Variants in ZNF695 observed in about 807,000 individuals in gnomAD.
The protein encoded by ZNF695 is zinc finger protein SBZF3.
In ZNF695, 11 loss-of-function variants were observed where a neutral mutation model predicts 11.2. The ratio of observed to expected loss-of-function variants is 0.98; its 90% CI spans 0.62 to 1.62. The LOEUF (loss-of-function observed/expected upper bound fraction) is 1.62, where lower values mean the gene tolerates loss of function less well. ZNF695 is among the 40% of genes most tolerant of loss of function. The pLI is 0.00. For missense variants in ZNF695, 559 were observed against 590.5 expected, an observed-to-expected ratio of 0.95 and a Z score of 0.55; for synonymous variants, 190 against 201.4, an observed-to-expected ratio of 0.94 and a Z score of 0.48.
intron 5 of ZNF695, among the ~76,000 whole-genome samples, chr1:246,955,126 C>T (rs1667955904): frequency 6.6e-6 from 1 of 152,158 alleles, no homozygotes; most frequent in African/African-American, 2.4e-5. Flanking sequence ...TGAAGATGTG[C>T]CTTTGCTCCT....
Position 246,986,776 on chromosome 1 carries a change from G to A in ZNF695, c.*191C>T, listed in dbSNP as rs1668861781. On this transcript the variant is annotated 3_prime_UTR_variant, in exon 4 of 4. Transcript: ENST00000339986. ...CAGTAAGAGCTGTGATATAAGTGGA[G>A]GTGTTGAACCGGTCTATTTGTATTG... is the stretch of plus-strand genomic sequence containing the variant. The A allele has an allele frequency of 6.7e-6, 9 of 1,334,926 alleles. No individual in the cohort carries two copies. In the East Asian group the frequency reaches 1.6e-4, roughly 24 times the overall value. The allele number at this position is 1,334,926 out of a possible 1,614,324, so 82.7% of individuals were successfully genotyped here.
rs1018932282 is a variant in ZNF695 at position 247,007,905 on chromosome 1, C to T, written c.3+1G>A. ...CGGGACACCCTGCTCCGCACACTCA[C>T]CATTTCCCAGCTTTTGGGGGTCCCA... is the stretch of plus-strand genomic sequence containing the variant. On this transcript the variant is annotated splice_donor_variant, in intron 1 of 3. Coordinates refer to ENST00000339986, the MANE Select transcript of ZNF695 (RefSeq NM_020394.5). LOFTEE classifies it high-confidence loss of function. 6.5e-7 allele frequency: 1 copy of T among 1,538,240 alleles called. No homozygotes were observed. The highest frequency in any genetic ancestry group is 1.2e-5 in the South Asian group (1 of 81,842).
At chr1:246,964,115 C>T (rs1379564335) in intron 5 of ZNF695, among the ~76,000 whole-genome samples, 2 of 152,108 alleles carry the variant, frequency 1.3e-5, no homozygotes, top group Non-Finnish European at 2.9e-5. Context: ...GCTTCCACGC[C>T]CCCTCCAGGG....
Position 246,987,857 on chromosome 1 carries a change from C to T in ZNF695, c.658G>A (p.Ala220Thr), listed in dbSNP as rs768779847. ...GTAAAGCATGAGCACTCATTAAAGG[C>T]TTTGCCACATTTTTTACATTGGTAC... is the stretch of plus-strand genomic sequence containing the variant. Reference protein sequence around the residue: ...NPYQCKKCGKAFNECSCFTDC... With the variant: ...NPYQCKKCGKTFNECSCFTDC... The change falls in exon 4 of 4, where the codon GCC becomes ACC. Residue 220 changes from alanine (A) to threonine (T), a missense_variant. Ala to Thr is a moderately conservative substitution (Grantham distance 58). Coordinates refer to ENST00000339986, the MANE Select transcript of ZNF695 (RefSeq NM_020394.5). 3 of 1,609,608 alleles carry T rather than the reference C, an allele frequency of 1.9e-6. No homozygotes were observed. Among genetic ancestry groups the T allele is most frequent in the South Asian group, 1.1e-5 (1 of 89,978 alleles).
chr1:246,988,239 A>G lies in ZNF695; in HGVS notation c.276T>C (p.Leu92=), dbSNP rs1441105705. The part of the protein sequence containing the change: ...TARHSVLSSY[L]TEDILPEQGL... ...CCTGCTCTGGCAAAATGTCTTCAGT[A>G]AGATAAGAAGACAAAACTGGAAAAA... Residue 92 remains leucine (L), a synonymous_variant, in exon 4 of 4, where the codon CTT becomes CTC. Transcript: ENST00000339986. 3 of 1,559,582 alleles carry G rather than the reference A, an allele frequency of 1.9e-6. No individual in the cohort carries two copies. In the East Asian group the frequency reaches 6.8e-5, roughly 35 times the overall value.
chr1:246,958,347 T>G (rs371520547), intron 5 of ZNF695, among the ~76,000 whole-genome samples: 1 of 151,858 alleles, frequency 6.6e-6, no homozygotes, highest in African/African-American at 2.4e-5. Context: ...CGTGAGCCAC[T>G]GCACCCAGCC....
rs1668848279 is a variant in ZNF695 at position 246,986,404 on chromosome 1, CA to C, written c.*562del. ...ACTTGAAATGTAATTATAACTTCCCCAAAAGGTGAATCTCCTACTTACTTTA... is the reference window on the plus strand; with the variant it reads ...ACTTGAAATGTAATTATAACTTCCCCAAAGGTGAATCTCCTACTTACTTTA... On this transcript the variant is annotated 3_prime_UTR_variant, in exon 4 of 4. Transcript: ENST00000339986. 1 of 985,404 alleles carries C rather than the reference CA, an allele frequency of 1.0e-6. No homozygotes were observed. Among genetic ancestry groups the C allele is most frequent in the African/African-American group, 1.7e-5 (1 of 57,234 alleles). The allele number at this position is 985,404 out of a possible 1,614,324, so 61.0% of individuals were successfully genotyped here.
intron 5 of ZNF695, among the ~76,000 whole-genome samples, chr1:246,953,339 T>C (rs1667911467): frequency 1.3e-5 from 2 of 152,120 alleles, no homozygotes; most frequent in South Asian, 4.1e-4. Context: ...AAAAACAAAG[T>C]GGGCCACGCC....
rs566524297 is a variant in ZNF695 at position 246,953,378 on chromosome 1, G to T, written c.489-7551C>A. Among the ~76,000 whole-genome samples the T allele has an allele frequency of 3.3e-5, 5 of 152,212 alleles. No homozygotes were observed. The East Asian group carries it at 9.7e-4, about 29-fold the overall frequency. On this transcript the variant is annotated intron_variant, in intron 5 of 5. Coordinates refer to the ZNF695 transcript ENST00000487338. ...AATCCCAGCACTTTAGGAGGCCGAG[G>T]CGGGCGGATCACGAGGTTAGGCGAC...
At chr1:246,981,236 G>A (rs1668703334), downstream of ZNF695, among the ~76,000 whole-genome samples, 1 of 152,160 alleles carries the variant, frequency 6.6e-6, no homozygotes, top group Admixed American at 6.6e-5. Flanking sequence ...ATAAGTGTTG[G>A]CGAAAGTGTG....
At chr1:246,993,716 G>T (rs1166684435) in intron 3 of ZNF695, among the ~76,000 whole-genome samples, 1 of 151,984 alleles carries the variant, frequency 6.6e-6, no homozygotes, top group East Asian at 1.9e-4. Flanking sequence ...ATAATCATGT[G>T]AATAACATTA....
Position 246,986,369 on chromosome 1 carries a change from C to A in ZNF695, c.*598G>T. On this transcript the variant is annotated 3_prime_UTR_variant, in exon 4 of 4. Coordinates refer to ENST00000339986, the MANE Select transcript of ZNF695 (RefSeq NM_020394.5). ...AGGAAAGAGCCACCGTGCCTGGCAC[C>A]AAAAGGTATACTTGAAATGTAATTA... 1 of 985,438 alleles carries A rather than the reference C, an allele frequency of 1.0e-6. No individual in the cohort carries two copies. The highest frequency in any genetic ancestry group is 1.2e-6 in the Non-Finnish European group (1 of 829,952). 61.0% of individuals were successfully genotyped at this position (985,438 alleles called of 1,614,324 possible). A position where few individuals can be genotyped will look rare whatever the true frequency, so the allele number is the denominator to read the frequency against.
At chr1:246,988,818 C>A (rs1335712437) in intron 3 of ZNF695, among the ~76,000 whole-genome samples, 1 of 151,852 alleles carries the variant, frequency 6.6e-6, no homozygotes, top group African/African-American at 2.4e-5. Flanking sequence ...AGGCCGGGCG[C>A]GGTGGCTCAC....
chr1:246,994,198 G>A (rs1313340686), intron 3 of ZNF695, among the ~76,000 whole-genome samples: 8 of 152,088 alleles, frequency 5.3e-5, no homozygotes, highest in Non-Finnish European at 7.4e-5. Flanking sequence ...CAGGGCAGAT[G>A]TACTGAGAAA....
At chr1:246,979,384 T>C (rs1443081355) in intron 4 of ZNF695, among the ~76,000 whole-genome samples, 1 of 152,108 alleles carries the variant, frequency 6.6e-6, no homozygotes, top group Non-Finnish European at 1.5e-5. Context: ...ATTCCGTTTG[T>C]CATAGCCAGG....
intron 4 of ZNF695, among the ~76,000 whole-genome samples, chr1:246,977,171 A>T (rs1024423914): frequency 2.0e-5 from 3 of 152,230 alleles, no homozygotes; most frequent in African/African-American, 7.2e-5. Flanking sequence ...GTGCCAAAAT[A>T]AATCTACTCA....
At chr1:246,955,377 G>A (rs61852578) in intron 5 of ZNF695, among the ~76,000 whole-genome samples, 17,806 of 152,158 alleles carry the variant, frequency 0.12, 1,147 homozygotes, top group Middle Eastern at 0.16. Context: ...CAGCTCTATT[G>A]TAACCTTAGG....
intron 1 of ZNF695, among the ~76,000 whole-genome samples, chr1:247,005,735 G>A (rs567745857): frequency 6.6e-5 from 10 of 151,996 alleles, no homozygotes; most frequent in South Asian, 2.1e-4. Flanking sequence ...CTTGGCCCCC[G>A]TCTCTAGGCA....
intron 5 of ZNF695, among the ~76,000 whole-genome samples, chr1:246,954,612 G>A (rs1254770233): frequency 6.6e-6 from 1 of 152,088 alleles, no homozygotes; most frequent in Admixed American, 6.6e-5. Context: ...TTCTATATAT[G>A]GAAACCATGT....
Sources: allele counts gnomAD v4.1 joint callset (sites outside exome capture counted in the v4.1 genomes callset), GRCh38; gene constraint gnomAD v4.1.1; transcripts MANE v1.5; gene names NCBI Gene and HGNC (gene_info 2026-07-23, HGNC 2026-07-21).